The following FAM136A variants were observed in gnomAD, a reference collection of about 807,000 sequenced individuals.
The protein encoded by FAM136A is TIM double twin CX3C motif chaperone.
In FAM136A, 25 loss-of-function variants were observed where a neutral mutation model predicts 21.6. That is an observed-to-expected ratio of 1.16 (90% CI 0.84 to 1.62). The LOEUF (loss-of-function observed/expected upper bound fraction) is 1.62, where lower values mean the gene tolerates loss of function less well. Ranked by LOEUF, FAM136A falls within the 40% of genes most tolerant of loss-of-function variation. FAM136A has a pLI of 0.00. For missense variants in FAM136A, 338 were observed against 332.0 expected, an observed-to-expected ratio of 1.02 and a Z score of -0.14; for synonymous variants, 119 against 129.4, an observed-to-expected ratio of 0.92 and a Z score of 0.55.
chr2:70,297,014 C>CTTG lies in FAM136A; in HGVS notation c.*274_*275insCAA. 1 of 334,552 alleles carries CTTG rather than the reference C, an allele frequency of 3.0e-6. No individual in the cohort carries two copies. The highest frequency in any genetic ancestry group is 5.7e-5 in the East Asian group (1 of 17,542). 20.7% of individuals were successfully genotyped at this position (334,552 alleles called of 1,614,324 possible). On this transcript the variant is annotated 3_prime_UTR_variant, in exon 3 of 3. Coordinates refer to ENST00000430566, the MANE Select transcript of FAM136A (RefSeq NM_001329752.2). ...GCTCTGGCTTGTTACAGGGGAAAGCCTTACTGCCAGGACAAGCACTGGCCA... is the reference window on the plus strand; with the variant it reads ...GCTCTGGCTTGTTACAGGGGAAAGCCTTGTTACTGCCAGGACAAGCACTGGCCA...
At position 70,299,397 on chromosome 2, in the gene FAM136A, T is replaced by G. The variant is rs550679298; in HGVS notation, c.549+1443A>C. ...ATCAGTGAGTCAACAGTAATAATGA[T>G]TCACATAAATGACTGCTCCTTAGTG... On this transcript the variant is annotated intron_variant, in intron 2 of 2. Coordinates refer to ENST00000430566, the MANE Select transcript of FAM136A (RefSeq NM_001329752.2). Among the ~76,000 whole-genome samples the G allele has an allele frequency of 5.9e-5, 9 of 152,274 alleles. No homozygotes were observed. In the South Asian group the frequency reaches 1.9e-3, roughly 32 times the overall value.
At position 70,300,876 on chromosome 2, in the gene FAM136A, G is replaced by A. The variant is rs1015593927; in HGVS notation, c.513C>T (p.Ala171=). 1 of 1,613,140 alleles carries A rather than the reference G, an allele frequency of 6.2e-7. No homozygotes were observed. The highest frequency in any genetic ancestry group is 8.5e-7 in the Non-Finnish European group (1 of 1,179,124). ...CCAGCTCACTGGTGACCAAAGCCTG[G>A]GCTTGAGCCAGAGGCACATGGCAGC... ...IERCHVPLAQ[A]QALVTSELEK... is the part of the protein sequence containing the mutation. The change falls in exon 2 of 3, where the codon GCC becomes GCT. Residue 171 remains alanine (A), a synonymous_variant. Transcript: ENST00000430566.
chr2:70,302,058 G>C lies in FAM136A; in HGVS notation c.-47C>G. On this transcript the variant is annotated 5_prime_UTR_variant, in exon 1 of 3. Transcript: ENST00000430566. ...GGCGCTCCGCGCCGGCGCCCATATG[G>C]AATCGGCGTACGGGCCCGCCCCCTC... 6.5e-7 allele frequency: 1 copy of C among 1,529,166 alleles called. No individual in the cohort carries two copies. The highest frequency in any genetic ancestry group is 2.2e-5 in the Admixed American group (1 of 45,038). 94.7% of individuals were successfully genotyped at this position (1,529,166 alleles called of 1,614,324 possible).
At position 70,297,479 on chromosome 2, in the gene FAM136A, T is replaced by C; in HGVS notation, c.550-2A>G. The C allele has an allele frequency of 6.2e-7, 1 of 1,612,054 alleles. No individual in the cohort carries two copies. Among genetic ancestry groups the C allele is most frequent in the Non-Finnish European group, 8.5e-7 (1 of 1,178,402 alleles). ...CATGGTGCACCGGGCCAGGCGGTCCTGTGGCAAGAAGGAAGAACGTAGAAA... is the reference window on the plus strand; with the variant it reads ...CATGGTGCACCGGGCCAGGCGGTCCCGTGGCAAGAAGGAAGAACGTAGAAA... On this transcript the variant is annotated splice_acceptor_variant, in intron 2 of 2. Coordinates refer to ENST00000430566, the MANE Select transcript of FAM136A (RefSeq NM_001329752.2). LOFTEE classifies it high-confidence loss of function.
At position 70,301,659 on chromosome 2, in the gene FAM136A, G is replaced by T. The variant is rs752845644; in HGVS notation, c.353C>A (p.Pro118His). 6.5e-7 allele frequency: 1 copy of T among 1,535,190 alleles called. No individual in the cohort carries two copies. Residue 118 changes from proline to histidine, a missense_variant, in exon 1 of 3, where the codon CCC becomes CAC. By Grantham distance (77) the Pro-to-His change is moderately conservative (BLOSUM62 -2). Transcript: ENST00000430566. ...TGGTGGGGCGAGCGCCTGCCACCAGGGGCTTCCCACCTGCCGCCGAGGACG... is the reference window on the plus strand; with the variant it reads ...TGGTGGGGCGAGCGCCTGCCACCAGTGGCTTCCCACCTGCCGCCGAGGACG... ...QERPRRQVGSPWWQALAPPPS... is the reference protein window; with the variant it reads ...QERPRRQVGSHWWQALAPPPS...
intron 2 of FAM136A, among the ~76,000 whole-genome samples, chr2:70,300,219 G>T (rs149475851): frequency 5.9e-5 from 9 of 151,758 alleles, no homozygotes; most frequent in African/African-American, 2.2e-4. Context: ...ATACTACACA[G>T]TATACATTCT....
At chr2:70,301,085 T>G in intron 1 of FAM136A, 105 bp from the exon 2 acceptor site, 1 of 1,309,628 alleles carries the variant, frequency 7.6e-7, no homozygotes, top group Non-Finnish European at 1.1e-6. Context: ...TGCACCTCTC[T>G]CTCCACCTTC....
rs1223466318 is a variant in FAM136A at position 70,297,062 on chromosome 2, C to G, written c.*227G>C. The G allele has an allele frequency of 2.0e-6, 1 of 492,816 alleles. No homozygotes were observed. The highest frequency in any genetic ancestry group is 3.6e-6 in the Non-Finnish European group (1 of 275,306). The allele number at this position is 492,816 out of a possible 1,614,324, so 30.5% of individuals were successfully genotyped here. A position where few individuals can be genotyped will look rare whatever the true frequency, so the allele number is the denominator to read the frequency against. On this transcript the variant is annotated 3_prime_UTR_variant, in exon 3 of 3. Transcript: ENST00000430566. ...CCACAGGAAATAATAAGCTCTAAAA[C>G]TCTCCTGTAATATCTCTGACTCGAT... is the stretch of plus-strand genomic sequence containing the variant.
At position 70,301,754 on chromosome 2, in the gene FAM136A, T is replaced by C; in HGVS notation, c.258A>G (p.Gly86=). The change falls in exon 1 of 3, where the codon GGA becomes GGG. Residue 86 remains glycine, a synonymous_variant. Coordinates refer to ENST00000430566, the MANE Select transcript of FAM136A (RefSeq NM_001329752.2). ...GLGQDFGSFG[G]SDEIRVPLPC... ...GCAAGGGCACACGGATTTCATCCGA[T>C]CCGCCAAAGCTTCCGAAGTCCTGTC... The C allele has an allele frequency of 6.5e-7, 1 of 1,541,964 alleles. No individual in the cohort carries two copies. The highest frequency in any genetic ancestry group is 8.7e-7 in the Non-Finnish European group (1 of 1,146,416).
In FAM136A at chr2:70,301,635, G is replaced by GGT. The variant is rs1340459712; in HGVS notation, c.375_376dup (p.Pro126HisfsTer30). On this transcript the variant is annotated frameshift_variant, in exon 1 of 3. Coordinates refer to ENST00000430566, the MANE Select transcript of FAM136A (RefSeq NM_001329752.2). LOFTEE classifies it high-confidence loss of function. ...AAGGGGCCGCGTAAGAGGGGAAGGTGGTGGGGCGAGCGCCTGCCACCAGGG... is the reference window on the plus strand; with the variant it reads ...AAGGGGCCGCGTAAGAGGGGAAGGTGGTGTGGGGCGAGCGCCTGCCACCAGGG... 2.7e-5 allele frequency: 41 copies of GGT among 1,535,666 alleles called. No individual in the cohort carries two copies. The highest frequency in any genetic ancestry group is 3.6e-5 in the Non-Finnish European group (41 of 1,146,714).
Position 70,301,589 on chromosome 2 carries a change from C to T in FAM136A, c.408+15G>A, listed in dbSNP as rs1243013892. ...TCACGTTGGCAGCGCCTCTGCTGGG[C>T]CTCGGGCCGCTCACCTGCGGAAGGG... On this transcript the variant is annotated intron_variant, in intron 1 of 2. Coordinates refer to ENST00000430566, the MANE Select transcript of FAM136A (RefSeq NM_001329752.2). The T allele has an allele frequency of 2.6e-6, 4 of 1,535,826 alleles. No homozygotes were observed. The highest frequency in any genetic ancestry group is 4.9e-5 in the East Asian group (2 of 40,922).
chr2:70,297,620 AGTTTTTTTT>A (rs1032176260), intron 2 of FAM136A, 143 bp from the exon 3 acceptor site: 2 of 406,048 alleles, frequency 4.9e-6, no homozygotes, highest in African/African-American at 2.8e-5. Context: ...TGATTGGCCA[AGTTTTTTTT>A]TTTTTTTTTT....
Position 70,299,480 on chromosome 2 carries a change from G to A in FAM136A, c.549+1360C>T, listed in dbSNP as rs181808591. Among the ~76,000 whole-genome samples the A allele has an allele frequency of 2.6e-5, 4 of 152,350 alleles. No homozygotes were observed. The East Asian group carries it at 5.8e-4, about 22-fold the overall frequency. On this transcript the variant is annotated intron_variant, in intron 2 of 2. Transcript: ENST00000430566. ...GGGGCAGTCCTGGGTGGGTGTATAA[G>A]TCCACAAAATGGTGGAAGGGTGTTC...
chr2:70,300,693 C>A, intron 2 of FAM136A, 147 bp downstream of exon 2: 1 of 980,730 alleles, frequency 1.0e-6, no homozygotes, highest in Non-Finnish European at 1.5e-6. Context: ...TCCAAAATTT[C>A]AAACCCTGTG....
chr2:70,301,468 G>A (rs1697396364), intron 1 of FAM136A, 136 bp downstream of exon 1: 1 of 1,535,516 alleles, frequency 6.5e-7, no homozygotes, highest in Non-Finnish European at 8.7e-7. Flanking sequence ...GAAGAACAGT[G>A]TAGAAACCCG....
chr2:70,301,464 C>A, intron 1 of FAM136A, 140 bp downstream of exon 1: 2 of 1,535,594 alleles, frequency 1.3e-6, no homozygotes, highest in Non-Finnish European at 1.7e-6. Context: ...CAGAGAAGAA[C>A]AGTGTAGAAA....
chr2:70,301,296 G>C, intron 1 of FAM136A: 1 of 1,323,748 alleles, frequency 7.6e-7, no homozygotes, highest in Non-Finnish European at 1.0e-6. Flanking sequence ...CTGAAAACCA[G>C]GAGCCTCTTC....
intron 2 of FAM136A, chr2:70,300,409 C>G (rs180684047): frequency 9.8e-5 from 15 of 153,712 alleles, no homozygotes; most frequent in Middle Eastern, 3.4e-3. Flanking sequence ...CTCACTGCAA[C>G]TACACCTCCT....
In FAM136A at chr2:70,296,620, T is replaced by C. The variant is rs899178399; in HGVS notation, c.*669A>G. ...TCTGCACAGTCTCCAGGCTGAAAGATGCAGCATGTAATAATTTTAAGAAAT... is the reference window on the plus strand; with the variant it reads ...TCTGCACAGTCTCCAGGCTGAAAGACGCAGCATGTAATAATTTTAAGAAAT... On this transcript the variant is annotated 3_prime_UTR_variant, in exon 3 of 3. Coordinates refer to ENST00000430566, the MANE Select transcript of FAM136A (RefSeq NM_001329752.2). The C allele has an allele frequency of 1.3e-4, 20 of 152,266 alleles. No homozygotes were observed. The highest frequency in any genetic ancestry group is 4.1e-4 in the African/African-American group (17 of 41,468). The allele number at this position is 152,266 out of a possible 1,614,324, so 9.4% of individuals were successfully genotyped here.
Sources: gnomAD v4.1 joint callset for allele counts (sites outside exome capture counted in the v4.1 genomes callset) on GRCh38, gnomAD v4.1.1 for gene constraint, MANE v1.5 for transcripts, NCBI Gene and HGNC (gene_info 2026-07-23, HGNC 2026-07-21) for gene names.